Variants in NTRK2 observed in about 807,000 individuals in gnomAD.
NTRK2 encodes the protein neurotrophic receptor tyrosine kinase 2, also known as BDNF/NT-3 growth factors receptor.
Under a neutral mutation model 94.5 loss-of-function variants are expected in NTRK2, and 13 were observed. That is an observed-to-expected ratio of 0.14 (90% CI 0.09 to 0.22). The LOEUF is 0.22. Among genes scored for constraint, NTRK2 ranks in the 10% least tolerant of loss-of-function variants. The pLI, the probability that NTRK2 is intolerant of heterozygous loss-of-function variation, is 1.00. For synonymous variants in NTRK2, 372 were observed against 407.4 expected (o/e 0.91, Z 1.05); for missense variants, 639 against 1,071.2 (o/e 0.60, Z 5.63).
rs10562034 is a variant in NTRK2 at position 84,844,649 on chromosome 9, TCACACACACACACA to T, written c.1397-16359_1397-16346del. Among the ~76,000 whole-genome samples the T allele has an allele frequency of 3.2e-4, 45 of 140,920 alleles. 1 individual carries two copies. In the Middle Eastern group the frequency reaches 0.011, roughly 33 times the overall value. The allele number at this position is 140,920 out of a possible 152,430, so 92.4% of individuals were successfully genotyped here. On this transcript the variant is annotated intron_variant, in intron 12 of 18. Transcript: ENST00000277120. ...TGAAAACTACAATGTAATACCTCAC[TCACACACACACACA>T]CACACACACACACACACACACACAC...
chr9:84,696,987 C>A (rs1248132065), intron 2 of NTRK2, among the ~76,000 whole-genome samples: 4 of 152,144 alleles, frequency 2.6e-5, no homozygotes, highest in African/African-American at 9.7e-5. Flanking sequence ...GGGAGGAAGG[C>A]ACATTCTGGG....
intron 17 of NTRK2, among the ~76,000 whole-genome samples, chr9:84,995,603 T>G (rs1829661661): frequency 6.6e-6 from 1 of 152,194 alleles, no homozygotes. Context: ...GGCAAGTCTT[T>G]TATCCTTTCT....
At chr9:84,974,846 C>T (rs1826618961) in intron 17 of NTRK2, among the ~76,000 whole-genome samples, 1 of 152,156 alleles carries the variant, frequency 6.6e-6, no homozygotes, top group Non-Finnish European at 1.5e-5. Context: ...AAGGAAGTCG[C>T]CGGCTGTTTG....
intron 17 of NTRK2, among the ~76,000 whole-genome samples, chr9:84,969,366 G>A (rs937775893): frequency 3.9e-5 from 6 of 152,346 alleles, no homozygotes; most frequent in East Asian, 1.9e-4. Flanking sequence ...GTTTTGTGGC[G>A]TAAGCCACAC....
At chr9:84,816,778 C>CAAAAAAAAAAAAAAAAAAAAAAAAAAA (rs61094948) in intron 12 of NTRK2, among the ~76,000 whole-genome samples, 1 of 82,650 alleles carries the variant, frequency 1.2e-5, no homozygotes. Flanking sequence ...GACTCCATCT[C>CAAAAAAAAAAAAAAAAAAAAAAAAAAA]AAAAAAAAAA....
At chr9:84,893,123 A>G (rs1293893085) in intron 14 of NTRK2, among the ~76,000 whole-genome samples, 1 of 152,082 alleles carries the variant, frequency 6.6e-6, no homozygotes. Flanking sequence ...AACCCCTGTC[A>G]AGATCCAGAA....
intron 12 of NTRK2, among the ~76,000 whole-genome samples, chr9:84,810,121 A>T (rs564723610): frequency 7.2e-5 from 11 of 152,144 alleles, no homozygotes; most frequent in Non-Finnish European, 1.2e-4. Context: ...TGCAAAAGTA[A>T]TCATGGTTTT....
chr9:84,873,508 C>G (rs200048837), intron 14 of NTRK2: 1 of 1,059,062 alleles, frequency 9.4e-7, no homozygotes, highest in African/African-American at 1.6e-5. Flanking sequence ...CCACGGCCCC[C>G]CCATTGCTAG....
intron 6 of NTRK2, among the ~76,000 whole-genome samples, chr9:84,719,967 C>T (rs902289185): frequency 7.4e-6 from 1 of 136,018 alleles, no homozygotes; most frequent in Non-Finnish European, 1.5e-5. Context: ...TTGCAGTGAG[C>T]AGAGATTGTG....
At chr9:84,996,685 A>C (rs998363927) in intron 17 of NTRK2, among the ~76,000 whole-genome samples, 4 of 152,220 alleles carry the variant, frequency 2.6e-5, no homozygotes, top group African/African-American at 9.6e-5. Flanking sequence ...GCAACCAAGA[A>C]GCTGCTGGCC....
At chr9:84,735,590 G>T (rs1198909963) in intron 9 of NTRK2, among the ~76,000 whole-genome samples, 1 of 152,154 alleles carries the variant, frequency 6.6e-6, no homozygotes, top group African/African-American at 2.4e-5. Flanking sequence ...CCCTTTAATT[G>T]GTTTTGGCAT....
At position 85,026,571 on chromosome 9, in the gene NTRK2, G is replaced by A. The variant is rs1833044097; in HGVS notation, c.*5134G>A. 4 of 232,718 alleles carry A rather than the reference G, an allele frequency of 1.7e-5. No individual in the cohort carries two copies. Among genetic ancestry groups the A allele is most frequent in the Non-Finnish European group, 3.4e-5 (4 of 117,850 alleles). 14.4% of individuals were successfully genotyped at this position (232,718 alleles called of 1,614,324 possible). On this transcript the variant is annotated 3_prime_UTR_variant, in exon 19 of 19. Coordinates refer to ENST00000277120, the MANE Select transcript of NTRK2 (RefSeq NM_006180.6). Reference sequence around the variant, plus strand: ...GTGGATTTTAAATATGTAATCCCTTGACAAATGACCAAATTATGGTGAACT... The same window carrying A: ...GTGGATTTTAAATATGTAATCCCTTAACAAATGACCAAATTATGGTGAACT...
chr9:84,872,473 G>A (rs78451929), intron 14 of NTRK2: 1 of 1,070,930 alleles, frequency 9.3e-7, no homozygotes, highest in African/African-American at 1.6e-5. Context: ...GGGTCCTAGG[G>A]TTGAGGCCTA....
intron 9 of NTRK2, 49 bp downstream of exon 9, chr9:84,728,008 T>C (rs766956889): frequency 1.9e-6 from 3 of 1,555,456 alleles, no homozygotes; most frequent in Non-Finnish European, 2.7e-6. Context: ...AGTCTATCAT[T>C]CACCTGTTGA....
chr9:84,815,011 A>G, intron 12 of NTRK2: 1 of 1,059,628 alleles, frequency 9.4e-7, no homozygotes, highest in Non-Finnish European at 1.1e-6. Context: ...CAGACCATGA[A>G]TTGAATTTGC....
chr9:84,690,870 C>T (rs1311113966), intron 2 of NTRK2, among the ~76,000 whole-genome samples: 1 of 152,048 alleles, frequency 6.6e-6, no homozygotes, highest in Non-Finnish European at 1.5e-5. Context: ...TAGAGTAATT[C>T]TATAGTGTCA....
intron 17 of NTRK2, among the ~76,000 whole-genome samples, chr9:84,968,623 T>C (rs1214300201): frequency 6.6e-6 from 1 of 152,200 alleles, no homozygotes; most frequent in African/African-American, 2.4e-5. Flanking sequence ...TTGGATTTAT[T>C]CTCACTTTCA....
chr9:84,838,606 A>G (rs1053809411), intron 12 of NTRK2, among the ~76,000 whole-genome samples: 1 of 152,198 alleles, frequency 6.6e-6, no homozygotes, highest in African/African-American at 2.4e-5. Context: ...TACAAAAAGC[A>G]AGCACACAGT....
At chr9:84,807,369 T>C (rs907311537) in intron 12 of NTRK2, among the ~76,000 whole-genome samples, 35 of 152,168 alleles carry the variant, frequency 2.3e-4, no homozygotes, top group African/African-American at 8.2e-4. Context: ...ATAGCAGAGG[T>C]TGAGTTTCAG....
Sources: gnomAD v4.1 joint callset for allele counts (sites outside exome capture counted in the v4.1 genomes callset) on GRCh38, gnomAD v4.1.1 for gene constraint, MANE v1.5 for transcripts, NCBI Gene and HGNC (gene_info 2026-07-23, HGNC 2026-07-21) for gene names.